Variants in GLIS2 observed in about 807,000 individuals in gnomAD.
GLIS2 encodes the protein zinc finger protein GLIS2.
A neutral mutation model predicts 35.6 loss-of-function variants in GLIS2; 14 were observed. The observed-to-expected ratio is 0.39, with a 90% CI of 0.26 to 0.61. The LOEUF (loss-of-function observed/expected upper bound fraction) is 0.61, where lower values mean the gene tolerates loss of function less well. Ranked by LOEUF, GLIS2 falls within the 20% of genes least tolerant of loss-of-function variation. GLIS2 has a pLI of 0.48. For synonymous variants in GLIS2, 368 were observed against 325.1 expected (o/e 1.13, Z -1.42); for missense variants, 675 against 713.4 (o/e 0.95, Z 0.61).
At chr16:4,323,890 G>T (rs542754827) in intron 1 of GLIS2, among the ~76,000 whole-genome samples, 1 of 152,330 alleles carries the variant, frequency 6.6e-6, no homozygotes. Flanking sequence ...CATTGCCGTG[G>T]TGTCTGTTAC....
rs1170814406 is a variant in GLIS2, at chr16:4,337,305, C to T, written c.1356C>T (p.Pro452=). 6.4e-7 allele frequency: 1 copy of T among 1,564,762 alleles called. No homozygotes were observed. The highest frequency in any genetic ancestry group is 1.2e-5 in the South Asian group (1 of 85,344). ...GGGAGAAGGGGCGTGGGTCGGTGCC[C>T]ACCAGGGCCCTGGGCATGGAGGGCC... ...AEGEKGRGSV[P]TRALGMEGHK... is the part of the protein sequence containing the mutation. Residue 452 remains proline, a synonymous_variant, in exon 7 of 7, where the codon CCC becomes CCT. Transcript: ENST00000433375.
rs149312212 is a variant in GLIS2 at position 4,333,408 on chromosome 16, C to G, written c.234C>G (p.Leu78=). Residue 78 remains leucine, a synonymous_variant, in exon 3 of 7, where the codon CTC becomes CTG. Coordinates refer to ENST00000433375, the MANE Select transcript of GLIS2 (RefSeq NM_032575.3). ...KVEGRFSAAP[L]VDLSLSPPSG... is the part of the protein sequence containing the mutation. Reference sequence around the variant, plus strand: ...AGGGACGCTTTTCAGCAGCCCCTCTCGTGGACCTCAGCCTGTCACCACCAT... The same window carrying G: ...AGGGACGCTTTTCAGCAGCCCCTCTGGTGGACCTCAGCCTGTCACCACCAT... 14 of 1,612,972 alleles carry G rather than the reference C, an allele frequency of 8.7e-6. No individual in the cohort carries two copies. Among genetic ancestry groups the G allele is most frequent in the Middle Eastern group, 1.6e-4 (1 of 6,084 alleles).
upstream of GLIS2, among the ~76,000 whole-genome samples, chr16:4,315,685 G>C (rs1236376462): frequency 4.0e-5 from 6 of 150,700 alleles, no homozygotes; most frequent in Admixed American, 4.0e-4. Context: ...GGTGGCGTGA[G>C]GATGGGGCCG....
In GLIS2 at chr16:4,336,915, C is replaced by T. The variant is rs2053557963; in HGVS notation, c.966C>T (p.Ser322=). Reference sequence around the variant, plus strand: ...TCAAGGCCCATGGCCACTTTGTGTCCCACGAGCAGCAAGAGCTCCTGCAGC... The same window carrying T: ...TCAAGGCCCATGGCCACTTTGTGTCTCACGAGCAGCAAGAGCTCCTGCAGC... The part of the protein sequence containing the change: ...KHIKAHGHFV[S]HEQQELLQLR... The change falls in exon 7 of 7, where the codon TCC becomes TCT. Residue 322 remains serine, a synonymous_variant. Coordinates refer to ENST00000433375, the MANE Select transcript of GLIS2 (RefSeq NM_032575.3). The T allele has an allele frequency of 1.2e-6, 2 of 1,612,922 alleles. No individual in the cohort carries two copies. The highest frequency in any genetic ancestry group is 2.7e-5 in the African/African-American group (2 of 75,064).
Position 4,334,886 on chromosome 16 carries a change from T to G in GLIS2, c.431T>G (p.Leu144Arg). Residue 144 changes from leucine to arginine, a missense_variant, in exon 4 of 7, where the codon CTG becomes CGG. Leu to Arg is a moderately radical substitution (Grantham distance 102). This residue lies in a region of GLIS2 where 225 missense variants were observed against 238.7 expected (regional missense o/e 0.94). Transcript: ENST00000433375. ...CTCGGCTCCGGGGGGGCCCTGCACCTGCCTGCCTCCTCCTTCCTTACCCCT... is the reference window on the plus strand; with the variant it reads ...CTCGGCTCCGGGGGGGCCCTGCACCGGCCTGCCTCCTCCTTCCTTACCCCT... ...LPLGSGGALH[L>R]PASSFLTPPK... The G allele has an allele frequency of 6.2e-7, 1 of 1,613,220 alleles. No homozygotes were observed. The highest frequency in any genetic ancestry group is 1.3e-5 in the African/African-American group (1 of 75,018).
At chr16:4,324,853 A>G (rs913472855) in intron 1 of GLIS2, 3 of 152,262 alleles carry the variant, frequency 2.0e-5, no homozygotes, top group Non-Finnish European at 4.4e-5. Flanking sequence ...AGACACGCAA[A>G]GGGAGTAGCA....
intron 1 of GLIS2, among the ~76,000 whole-genome samples, chr16:4,325,654 G>A (rs1364364948): frequency 6.6e-6 from 1 of 152,156 alleles, no homozygotes. Context: ...CGGGCTGGGC[G>A]TGGTGGCTCC....
At chr16:4,317,535 T>C (rs1219495228) in intron 1 of GLIS2, among the ~76,000 whole-genome samples, 1 of 152,008 alleles carries the variant, frequency 6.6e-6, no homozygotes, top group Non-Finnish European at 1.5e-5. Flanking sequence ...CCCATTCTGG[T>C]GCCACAGTGC....
rs9933882 is a variant in GLIS2 at position 4,335,951 on chromosome 16, G to A, written c.775+558G>A. 4,919 of 178,914 alleles carry A rather than the reference G, an allele frequency of 0.027. 268 individuals are homozygous for A. Among genetic ancestry groups the A allele is most frequent in the African/African-American group, 0.11 (4,650 of 41,990 alleles). The allele number at this position is 178,914 out of a possible 1,614,324, so 11.1% of individuals were successfully genotyped here. ...TTTTTCCTGGTGTTTATTTCACCCT[G>A]GCAGCACATCTCCAGGTGGAGAGCC... On this transcript the variant is annotated intron_variant, in intron 6 of 6. Transcript: ENST00000433375. This position sits in a 1 kb window ranked among gnomAD's most constrained non-coding sequence, Gnocchi z 4.6.
chr16:4,337,812 A>C lies in GLIS2; in HGVS notation c.*288A>C. The C allele has an allele frequency of 1.8e-6, 1 of 555,238 alleles. No homozygotes were observed. Among genetic ancestry groups the C allele is most frequent in the Non-Finnish European group, 3.2e-6 (1 of 308,188 alleles). The allele number at this position is 555,238 out of a possible 1,614,324, so 34.4% of individuals were successfully genotyped here. On this transcript the variant is annotated 3_prime_UTR_variant, in exon 7 of 7. Transcript: ENST00000433375. ...CTTCTGAGAGGCTTTCCCCTGCCCG[A>C]CCTCCTCCCGTTTCCCTCTCCCACC...
At chr16:4,327,060 C>T (rs1596236077) in intron 1 of GLIS2, among the ~76,000 whole-genome samples, 1 of 151,562 alleles carries the variant, frequency 6.6e-6, no homozygotes, top group Non-Finnish European at 1.5e-5. Flanking sequence ...GCCCGGCCAC[C>T]GGCTGATTTT....
chr16:4,337,510 G>A lies in GLIS2; in HGVS notation c.1561G>A (p.Ala521Thr), dbSNP rs1253451252. ...IPPGSVLLKPAVVN is the reference protein window; with the variant it reads ...IPPGSVLLKPTVVN ...GCCGGGCTCGGTGCTGCTCAAACCGGCTGTGGTGAACTGAGCCCATCCTGC... is the reference window on the plus strand; with the variant it reads ...GCCGGGCTCGGTGCTGCTCAAACCGACTGTGGTGAACTGAGCCCATCCTGC... Residue 521 changes from alanine to threonine, a missense_variant, in exon 7 of 7, where the codon GCT becomes ACT. Coordinates refer to ENST00000433375, the MANE Select transcript of GLIS2 (RefSeq NM_032575.3). 1.3e-6 allele frequency: 2 copies of A among 1,560,526 alleles called. No individual in the cohort carries two copies. Among genetic ancestry groups the A allele is most frequent in the Admixed American group, 3.7e-5 (2 of 53,910 alleles).
chr16:4,325,273 G>A (rs561533488), intron 1 of GLIS2: 3 of 152,392 alleles, frequency 2.0e-5, no homozygotes, highest in African/African-American at 7.2e-5. Context: ...GACTTACCTG[G>A]GGTTGAAACC....
rs1230630157 is a variant in GLIS2 at position 4,339,477 on chromosome 16, T to A, written c.*1953T>A. ...TATCGTAGCTTATGTTTTCCTCCTC[T>A]TGGCTCCATTGCTGTTAGCATAGAG... On this transcript the variant is annotated 3_prime_UTR_variant, in exon 7 of 7. Coordinates refer to ENST00000433375, the MANE Select transcript of GLIS2 (RefSeq NM_032575.3). 1.3e-5 allele frequency: 2 copies of A among 152,566 alleles called. No individual in the cohort carries two copies. The highest frequency in any genetic ancestry group is 3.8e-4 in the East Asian group (2 of 5,208). The allele number at this position is 152,566 out of a possible 1,614,324, so 9.5% of individuals were successfully genotyped here.
In GLIS2 at chr16:4,320,828, A is replaced by G. The variant is rs756583725; in HGVS notation, c.-67+4574A>G. ...TCCTCCCTATTCTGAAGTCCCCCCA[A>G]CCCTGTGCTGGTGCTCGTCTCCCTG... On this transcript the variant is annotated intron_variant, in intron 1 of 6. Transcript: ENST00000433375. The surrounding 1 kb of genome is among the most constrained non-coding windows in gnomAD (Gnocchi z 5.6). Among the ~76,000 whole-genome samples, 24 of 150,806 alleles carry G rather than the reference A, an allele frequency of 1.6e-4. No homozygotes were observed. The highest frequency in any genetic ancestry group is 1.5e-4 in the Non-Finnish European group (10 of 67,668).
intron 1 of GLIS2, among the ~76,000 whole-genome samples, chr16:4,323,395 C>A (rs147381081): frequency 2.4e-4 from 37 of 152,316 alleles, no homozygotes; most frequent in Non-Finnish European, 2.1e-4. Flanking sequence ...AAGCACCCCC[C>A]CAAAGCTGGG....
intron 1 of GLIS2, among the ~76,000 whole-genome samples, chr16:4,325,929 TA>T (rs58290393): frequency 0.043 from 1,707 of 40,092 alleles, 15 homozygotes; most frequent in African/African-American, 0.062. Context: ...CTCTGTGTCT[TA>T]AAAAAAAAAA....
intron 1 of GLIS2, among the ~76,000 whole-genome samples, chr16:4,321,400 C>G (rs553418305): frequency 6.6e-6 from 1 of 152,360 alleles, no homozygotes; most frequent in South Asian, 2.1e-4. Flanking sequence ...TACCCCTCCC[C>G]TCCTCACTTG....
chr16:4,337,686 T>C lies in GLIS2; in HGVS notation c.*162T>C. On this transcript the variant is annotated 3_prime_UTR_variant, in exon 7 of 7. Transcript: ENST00000433375. ...GGTGCTAGGTCATTCATGGCTGGCC[T>C]CCCAGCCCCCGGGTGGGGACCTGGC... 9.6e-7 allele frequency: 1 copy of C among 1,036,574 alleles called. No homozygotes were observed. Among genetic ancestry groups the C allele is most frequent in the Non-Finnish European group, 1.4e-6 (1 of 704,164 alleles). The allele number at this position is 1,036,574 out of a possible 1,614,324, so 64.2% of individuals were successfully genotyped here.
Sources: allele counts gnomAD v4.1 joint callset (sites outside exome capture counted in the v4.1 genomes callset), GRCh38; gene constraint gnomAD v4.1.1; regional missense constraint gnomAD v4.1.1; non-coding constraint Gnocchi (gnomAD v3.1); transcripts MANE v1.5; gene names NCBI Gene and HGNC (gene_info 2026-07-23, HGNC 2026-07-21).